TRPC4AP: variants seen among roughly 807,000 people sequenced by gnomAD.
The protein encoded by TRPC4AP is short transient receptor potential channel 4-associated protein.
In TRPC4AP, 45 loss-of-function variants were observed where a neutral mutation model predicts 99.0. The observed-to-expected ratio is 0.45, with a 90% confidence interval of 0.36 to 0.58. The LOEUF is 0.58. Ranked by LOEUF, TRPC4AP falls within the 20% of genes least tolerant of loss-of-function variation. The pLI, the probability that TRPC4AP is intolerant of heterozygous loss-of-function variation, is 0.00. For synonymous variants in TRPC4AP, 408 were observed against 385.8 expected, an observed-to-expected ratio of 1.06 and a Z score of -0.67; for missense variants, 879 against 985.3, an observed-to-expected ratio of 0.89 and a Z score of 1.44.
intron 3 of TRPC4AP, among the ~76,000 whole-genome samples, chr20:35,058,633 T>C (rs934688310): frequency 6.0e-5 from 9 of 150,984 alleles, no homozygotes; most frequent in African/African-American, 1.7e-4. Context: ...ATGTAGCTAA[T>C]GGAGTGCTCA....
At chr20:35,086,402 C>T (rs2084848085) in intron 1 of TRPC4AP, among the ~76,000 whole-genome samples, 1 of 148,116 alleles carries the variant, frequency 6.8e-6, no homozygotes, top group Non-Finnish European at 1.5e-5. Context: ...CTTGTGAATA[C>T]GAAAACTTCC....
intron 2 of TRPC4AP, among the ~76,000 whole-genome samples, chr20:35,075,993 T>C (rs2146009803): frequency 6.6e-6 from 1 of 152,356 alleles, no homozygotes; most frequent in East Asian, 1.9e-4. Flanking sequence ...CTCTTCTCGC[T>C]TCATTTCATT....
chr20:35,006,513 A>G lies in TRPC4AP; in HGVS notation c.1749T>C (p.Phe583=). Residue 583 remains phenylalanine (F), a synonymous_variant, in exon 15 of 19, where the codon TTT becomes TTC. Coordinates refer to ENST00000252015, the MANE Select transcript of TRPC4AP (RefSeq NM_015638.3). ...ACTTCATCAGCTCCCCCAGGAGGTC[A>G]AAGTAACTCTGGAGCACATCCCTTG... The part of the protein sequence containing the change: ...CKSRDVLQSY[F]DLLGELMKFN... 6.2e-7 allele frequency: 1 copy of G among 1,614,200 alleles called. No homozygotes were observed. The highest frequency in any genetic ancestry group is 8.5e-7 in the Non-Finnish European group (1 of 1,180,036).
At chr20:35,020,490 C>A (rs1445433378) in intron 9 of TRPC4AP, among the ~76,000 whole-genome samples, 1 of 152,110 alleles carries the variant, frequency 6.6e-6, no homozygotes, top group Non-Finnish European at 1.5e-5. Context: ...CTCTTCTGGA[C>A]GTTTTCATCC....
chr20:35,047,059 G>A (rs2083575593), intron 6 of TRPC4AP, among the ~76,000 whole-genome samples: 1 of 152,098 alleles, frequency 6.6e-6, no homozygotes, highest in Non-Finnish European at 1.5e-5. Flanking sequence ...AGTAGAGACA[G>A]GGTTTCACCC....
At chr20:35,050,060 C>T (rs551667332) in intron 5 of TRPC4AP, 66 bp from the exon 6 acceptor site, 4 of 1,527,858 alleles carry the variant, frequency 2.6e-6, no homozygotes, top group African/African-American at 2.8e-5. Context: ...TACAAGGCAT[C>T]CTTTACAGAC....
chr20:35,010,139 G>T, intron 12 of TRPC4AP, 48 bp downstream of exon 12: 1 of 1,558,130 alleles, frequency 6.4e-7, no homozygotes, highest in Non-Finnish European at 8.8e-7. Flanking sequence ...CCCGGGGAAC[G>T]TGGGCAGCCG....
At chr20:35,004,224 G>A (rs536105313) in intron 17 of TRPC4AP, among the ~76,000 whole-genome samples, 5 of 152,328 alleles carry the variant, frequency 3.3e-5, no homozygotes, top group African/African-American at 9.6e-5. Context: ...TGGGGGAGGC[G>A]GGGAGAGCAC....
chr20:35,077,028 T>C (rs2084498745), intron 2 of TRPC4AP, among the ~76,000 whole-genome samples: 1 of 152,182 alleles, frequency 6.6e-6, no homozygotes, highest in African/African-American at 2.4e-5. Flanking sequence ...GTGCTAGCAG[T>C]GAGCAAGGCT....
At chr20:35,092,152 A>C (rs955591547) in intron 1 of TRPC4AP, among the ~76,000 whole-genome samples, 1 of 152,230 alleles carries the variant, frequency 6.6e-6, no homozygotes, top group African/African-American at 2.4e-5. Context: ...GACCTACTTT[A>C]GAAAGGGGAA....
chr20:35,089,808 T>C (rs1338157669), intron 1 of TRPC4AP, among the ~76,000 whole-genome samples: 1 of 152,080 alleles, frequency 6.6e-6, no homozygotes, highest in Admixed American at 6.6e-5. Flanking sequence ...ATTGCGCCAC[T>C]GCACTCCAGT....
chr20:35,060,395 T>C (rs1169750136), intron 3 of TRPC4AP, among the ~76,000 whole-genome samples: 1 of 151,954 alleles, frequency 6.6e-6, no homozygotes, highest in Non-Finnish European at 1.5e-5. Flanking sequence ...GCAACCAGCC[T>C]GGGCAACATA....
At chr20:35,029,388 C>T (rs1162283046) in intron 8 of TRPC4AP, among the ~76,000 whole-genome samples, 2 of 152,098 alleles carry the variant, frequency 1.3e-5, no homozygotes, top group Non-Finnish European at 2.9e-5. Flanking sequence ...ATAACTGGAT[C>T]TTGTTTTCTG....
chr20:35,086,547 G>GTATA lies in TRPC4AP; in HGVS notation c.168+6066_168+6067insTATA, dbSNP rs1569158121. ...TATATGTGTGTGTGTGTGTGTGTGT[G>GTATA]TGTGTGTGTGTGTGTGTGTGTGTGT... On this transcript the variant is annotated intron_variant, in intron 1 of 18. Transcript: ENST00000252015. Among the ~76,000 whole-genome samples the GTATA allele has an allele frequency of 1.7e-3, 178 of 107,034 alleles. 28 individuals carry two copies. The highest frequency in any genetic ancestry group is 9.0e-3 in the Middle Eastern group (2 of 222). The allele number at this position is 107,034 out of a possible 152,430, so 70.2% of individuals were successfully genotyped here.
chr20:35,060,583 TC>T (rs1365691044), intron 3 of TRPC4AP, among the ~76,000 whole-genome samples: 6,656 of 60,920 alleles, frequency 0.11, 218 homozygotes, highest in South Asian at 0.21. Context: ...AGACCTTGTC[TC>T]CAAAAAAAAA....
intron 7 of TRPC4AP, among the ~76,000 whole-genome samples, chr20:35,038,359 G>A (rs1007492757): frequency 6.6e-6 from 1 of 151,638 alleles, no homozygotes; most frequent in Non-Finnish European, 1.5e-5. Flanking sequence ...CAGACAACAC[G>A]GTGGGGAAGA....
At chr20:35,004,176 A>G (rs2082462902) in intron 17 of TRPC4AP, among the ~76,000 whole-genome samples, 1 of 152,210 alleles carries the variant, frequency 6.6e-6, no homozygotes, top group Non-Finnish European at 1.5e-5. Context: ...GTCCGATTCC[A>G]AAGCCCAGCA....
intron 4 of TRPC4AP, among the ~76,000 whole-genome samples, chr20:35,055,919 GC>G: frequency 6.6e-6 from 1 of 152,298 alleles, no homozygotes; most frequent in East Asian, 1.9e-4. Flanking sequence ...ATTTTCATGA[GC>G]CCAAAACCAA....
chr20:35,092,584 C>A, intron 1 of TRPC4AP, 30 bp downstream of exon 1: 2 of 1,456,362 alleles, frequency 1.4e-6, no homozygotes, highest in Non-Finnish European at 1.8e-6. Flanking sequence ...TGGTCCGCCC[C>A]GCCCCGCCCC....
Sources: gnomAD v4.1 joint callset for allele counts (sites outside exome capture counted in the v4.1 genomes callset) on GRCh38, gnomAD v4.1.1 for gene constraint, MANE v1.5 for transcripts, NCBI Gene and HGNC (gene_info 2026-07-23, HGNC 2026-07-21) for gene names.